WDR33: variants seen among roughly 807,000 people sequenced by gnomAD.
WDR33 encodes WD repeat domain 33.
In WDR33, 47 loss-of-function variants were observed where a neutral mutation model predicts 164.9. The observed-to-expected ratio is 0.29, with a 90% CI of 0.23 to 0.36. The LOEUF is 0.36. Among genes scored for constraint, WDR33 ranks in the 10% least tolerant of loss-of-function variants. The pLI, the probability that WDR33 is intolerant of heterozygous loss-of-function variation, is 1.00. For missense variants in WDR33, 1,137 were observed against 1,754.1 expected (o/e 0.65, Z 6.28); for synonymous variants, 505 against 589.0 (o/e 0.86, Z 2.06).
intron 7 of WDR33, among the ~76,000 whole-genome samples, chr2:127,749,398 G>T (rs1433614256): frequency 6.6e-6 from 1 of 151,970 alleles, no homozygotes; most frequent in Non-Finnish European, 1.5e-5. Context: ...GTGGTGGCTC[G>T]TGTCTGTAAT....
chr2:127,709,953 C>A lies in WDR33; in HGVS notation c.3309-97G>T. On this transcript the variant is annotated intron_variant, in intron 18 of 21. Coordinates refer to ENST00000322313, the MANE Select transcript of WDR33 (RefSeq NM_018383.5). This position sits in a 1 kb window ranked among gnomAD's most constrained non-coding sequence, Gnocchi z 5.0. The stretch of plus-strand genomic sequence containing the variant: ...GCATATGATATGAGAAAGCATGATA[C>A]AATGTTAATTGGGAGGAAAACAAAA... The A allele has an allele frequency of 7.0e-7, 1 of 1,425,250 alleles. No individual in the cohort carries two copies. Among genetic ancestry groups the A allele is most frequent in the Non-Finnish European group, 9.5e-7 (1 of 1,047,414 alleles). The allele number at this position is 1,425,250 out of a possible 1,614,324, so 88.3% of individuals were successfully genotyped here.
At chr2:127,769,657 C>T (rs1258436146) in intron 2 of WDR33, among the ~76,000 whole-genome samples, 1 of 152,202 alleles carries the variant, frequency 6.6e-6, no homozygotes, top group Non-Finnish European at 1.5e-5. Context: ...AAACTCTCTC[C>T]TAGCCTACTT....
intron 1 of WDR33, among the ~76,000 whole-genome samples, chr2:127,772,072 T>G (rs1352616537): frequency 6.6e-6 from 1 of 152,050 alleles, no homozygotes; most frequent in South Asian, 2.1e-4. Context: ...CAAGAGATCC[T>G]CACACTTTGG....
At position 127,735,421 on chromosome 2, in the gene WDR33, G is replaced by A; in HGVS notation, c.725-8644C>T. ...TAAGTTTTATTTGAAGGTCAGAAAT[G>A]GTGTCCATGTTCCCATTTTATTTTT... is the stretch of plus-strand genomic sequence containing the variant. On this transcript the variant is annotated intron_variant, in intron 7 of 21. Coordinates refer to ENST00000322313, the MANE Select transcript of WDR33 (RefSeq NM_018383.5). This position sits in a 1 kb window ranked among gnomAD's most constrained non-coding sequence, Gnocchi z 4.3. 1.0e-6 allele frequency: 1 copy of A among 985,716 alleles called. No homozygotes were observed. Among genetic ancestry groups the A allele is most frequent in the Non-Finnish European group, 1.2e-6 (1 of 829,888 alleles). 61.1% of individuals were successfully genotyped at this position (985,716 alleles called of 1,614,324 possible).
chr2:127,766,466 A>T (rs547599096), intron 4 of WDR33, among the ~76,000 whole-genome samples: 1 of 152,318 alleles, frequency 6.6e-6, no homozygotes, highest in Admixed American at 6.5e-5. Context: ...TAACCCGGTC[A>T]ATACTACAGA....
chr2:127,724,585 G>A lies in WDR33; in HGVS notation c.1086-142C>T, dbSNP rs1362888960. The A allele has an allele frequency of 1.2e-5, 9 of 742,054 alleles. No individual in the cohort carries two copies. The East Asian group carries it at 2.1e-4, about 18-fold the overall frequency. 46.0% of individuals were successfully genotyped at this position (742,054 alleles called of 1,614,324 possible). On this transcript the variant is annotated intron_variant, in intron 10 of 21. Coordinates refer to ENST00000322313, the MANE Select transcript of WDR33 (RefSeq NM_018383.5). This position sits in a 1 kb window ranked among gnomAD's most constrained non-coding sequence, Gnocchi z 4.8. ...GACTCTGGTGAATTCCACATGTCTC[G>A]GGGTATTGGCTTGTCATTGCCAAAG...
chr2:127,715,321 G>C (rs145271704), intron 17 of WDR33, among the ~76,000 whole-genome samples: 113 of 152,124 alleles, frequency 7.4e-4, no homozygotes, highest in Admixed American at 2.9e-3. Context: ...CTGACCTCAA[G>C]TGATACACCC....
In WDR33 at chr2:127,797,870, G is replaced by A. The variant is rs754219096; in HGVS notation, c.-24+13142C>T. Reference sequence around the variant, plus strand: ...CTACCAAAAACACAAAAACTTAGCCGGGCATGGTGGTACACAACTGTGGGT... The same window carrying A: ...CTACCAAAAACACAAAAACTTAGCCAGGCATGGTGGTACACAACTGTGGGT... On this transcript the variant is annotated intron_variant, in intron 1 of 21. Transcript: ENST00000322313. Among the ~76,000 whole-genome samples, 17 of 151,942 alleles carry A rather than the reference G, an allele frequency of 1.1e-4. No individual in the cohort carries two copies. The East Asian group carries it at 1.5e-3, about 14-fold the overall frequency.
At chr2:127,785,192 G>A (rs1204272203) in intron 1 of WDR33, among the ~76,000 whole-genome samples, 1 of 152,034 alleles carries the variant, frequency 6.6e-6, no homozygotes, top group Non-Finnish European at 1.5e-5. Context: ...TAGGTTCACA[G>A]CAAAATTGAA....
chr2:127,808,535 T>C (rs1028567095), intron 1 of WDR33, among the ~76,000 whole-genome samples: 3 of 152,214 alleles, frequency 2.0e-5, no homozygotes, highest in African/African-American at 7.2e-5. Flanking sequence ...TCCAATACAC[T>C]GAAGAGCTTC....
chr2:127,804,220 T>C (rs991565625), intron 1 of WDR33, among the ~76,000 whole-genome samples: 35 of 151,824 alleles, frequency 2.3e-4, no homozygotes, highest in African/African-American at 7.7e-4. Flanking sequence ...ACTCGGGAGG[T>C]TGAGGCAGGA....
At chr2:127,788,140 G>A (rs1688668709) in intron 1 of WDR33, among the ~76,000 whole-genome samples, 1 of 96,324 alleles carries the variant, frequency 1.0e-5, no homozygotes, top group Non-Finnish European at 2.1e-5. Flanking sequence ...CCCAGTAGGG[G>A]CGGCCGGGCA....
In WDR33 at chr2:127,719,858, G is replaced by A. The variant is rs1686389962; in HGVS notation, c.2167C>T (p.Pro723Ser). The change falls in exon 16 of 22, where the codon CCT becomes TCT. Residue 723 changes from proline (P) to serine (S), a missense_variant. Pro to Ser is a moderately conservative substitution (Grantham distance 74, BLOSUM62 -1). This residue lies in a region of WDR33 where 867 missense variants were observed against 1,073.0 expected (regional missense o/e 0.81). Coordinates refer to ENST00000322313, the MANE Select transcript of WDR33 (RefSeq NM_018383.5). This position sits in a 1 kb window ranked among gnomAD's most constrained non-coding sequence, Gnocchi z 6.5. ...PQGHIGPQGPPGPQGHLGPQG... is the reference protein window; with the variant it reads ...PQGHIGPQGPSGPQGHLGPQG... ...GGGCCCAAGTGACCCTGAGGGCCAG[G>A]CGGGCCTTGGGGGCCTATGTGACCC... The A allele has an allele frequency of 6.2e-7, 1 of 1,613,544 alleles. No homozygotes were observed. Among genetic ancestry groups the A allele is most frequent in the Non-Finnish European group, 8.5e-7 (1 of 1,179,950 alleles).
intron 7 of WDR33, among the ~76,000 whole-genome samples, chr2:127,748,227 A>G (rs557601982): frequency 1.3e-5 from 2 of 152,132 alleles, no homozygotes; most frequent in Non-Finnish European, 2.9e-5. Context: ...CAAATCCTAT[A>G]ATACATTATA....
chr2:127,733,396 C>CGA (rs1192238631), intron 7 of WDR33, among the ~76,000 whole-genome samples: 1 of 152,144 alleles, frequency 6.6e-6, no homozygotes, highest in African/African-American at 2.4e-5. Flanking sequence ...AAAGATTCAG[C>CGA]AGTACGACTT....
chr2:127,782,837 A>C (rs1688421969), intron 1 of WDR33, among the ~76,000 whole-genome samples: 1 of 152,038 alleles, frequency 6.6e-6, no homozygotes, highest in Non-Finnish European at 1.5e-5. Context: ...GTGAAACCCC[A>C]TCTCTACTAA....
intron 1 of WDR33, among the ~76,000 whole-genome samples, chr2:127,786,863 T>TA (rs1553479883): frequency 4.9e-5 from 6 of 122,772 alleles, no homozygotes; most frequent in African/African-American, 1.6e-4. Flanking sequence ...TTTTTTTTTT[T>TA]AATTTATTTT....
intron 1 of WDR33, among the ~76,000 whole-genome samples, chr2:127,795,212 T>G (rs1447735789): frequency 1.3e-5 from 2 of 151,200 alleles, no homozygotes; most frequent in African/African-American, 4.9e-5. Flanking sequence ...GCAATTCTCC[T>G]GCCTCAGCCT....
At chr2:127,779,029 G>T (rs1426379751) in intron 1 of WDR33, among the ~76,000 whole-genome samples, 2 of 151,976 alleles carry the variant, frequency 1.3e-5, no homozygotes, top group Non-Finnish European at 2.9e-5. Context: ...GGGGTAGAGC[G>T]AGGCTCTGGC....
Sources: gnomAD v4.1 joint callset for allele counts (sites outside exome capture counted in the v4.1 genomes callset) on GRCh38, gnomAD v4.1.1 for gene constraint, gnomAD v4.1.1 regional missense constraint, Gnocchi (gnomAD v3.1) non-coding constraint, MANE v1.5 for transcripts, NCBI Gene and HGNC (gene_info 2026-07-23, HGNC 2026-07-21) for gene names.